The following KCNIP4 variants were observed in gnomAD, a reference collection of about 807,000 sequenced individuals.
KCNIP4 encodes Kv channel-interacting protein 4.
Under a neutral mutation model 34.0 loss-of-function variants are expected in KCNIP4, and 12 were observed. The ratio of observed to expected loss-of-function variants is 0.35; its 90% CI spans 0.23 to 0.57. The LOEUF (loss-of-function observed/expected upper bound fraction) is 0.57. KCNIP4 is among the 20% of genes least tolerant of loss of function. KCNIP4 has a pLI of 0.83. For missense variants in KCNIP4, 238 were observed against 311.7 expected, an observed-to-expected ratio of 0.76 and a Z score of 1.78; for synonymous variants, 124 against 102.2, an observed-to-expected ratio of 1.21 and a Z score of -1.29.
At position 21,072,008 on chromosome 4, in the gene KCNIP4, T is replaced by A. The variant is rs184319339; in HGVS notation, c.62-189299A>T. Among the ~76,000 whole-genome samples, 81 of 152,366 alleles carry A rather than the reference T, an allele frequency of 5.3e-4. 1 individual carries two copies. In the East Asian group the frequency reaches 0.014, roughly 27 times the overall value. The stretch of plus-strand genomic sequence containing the variant: ...TATGGCTACATAATATTCCATGATG[T>A]ATATGTGCCACATTTTCTTAATCCA... On this transcript the variant is annotated intron_variant, in intron 1 of 8. Coordinates refer to ENST00000382152, the MANE Select transcript of KCNIP4 (RefSeq NM_025221.6).
rs1475404151 is a variant in KCNIP4 at position 21,510,843 on chromosome 4, C to T, written c.61+437728G>A. Reference sequence around the variant, plus strand: ...ACCAGCCCGGCCAACATGATGAAACCCCATCTCTGCTAAAAATACAAAATA... The same window carrying T: ...ACCAGCCCGGCCAACATGATGAAACTCCATCTCTGCTAAAAATACAAAATA... On this transcript the variant is annotated intron_variant, in intron 1 of 8. Transcript: ENST00000382152. Among the ~76,000 whole-genome samples the T allele has an allele frequency of 4.0e-5, 6 of 150,656 alleles. No individual in the cohort carries two copies. The Admixed American group carries it at 4.0e-4, about 10-fold the overall frequency.
At chr4:20,775,872 A>C (rs1263313118) in intron 3 of KCNIP4, among the ~76,000 whole-genome samples, 1 of 152,206 alleles carries the variant, frequency 6.6e-6, no homozygotes, top group African/African-American at 2.4e-5. Flanking sequence ...ACTCCCAGCT[A>C]TTAGGTGTAT....
intron 1 of KCNIP4, among the ~76,000 whole-genome samples, chr4:21,855,899 C>A (rs1202329233): frequency 3.3e-5 from 5 of 152,182 alleles, no homozygotes; most frequent in African/African-American, 1.2e-4. Flanking sequence ...GTCAATGAAA[C>A]CTTTTAGCCC....
chr4:21,053,094 G>T (rs1361831508), intron 1 of KCNIP4, among the ~76,000 whole-genome samples: 1 of 151,820 alleles, frequency 6.6e-6, no homozygotes, highest in Admixed American at 6.6e-5. Flanking sequence ...ATCTGTAATT[G>T]TATCCACTTC....
intron 1 of KCNIP4, among the ~76,000 whole-genome samples, chr4:20,934,092 A>G (rs929391105): frequency 7.9e-5 from 12 of 152,200 alleles, no homozygotes; most frequent in Non-Finnish European, 1.8e-4. Flanking sequence ...AATAGCAAAA[A>G]TTATAGAAGG....
intron 5 of KCNIP4, among the ~76,000 whole-genome samples, chr4:20,748,872 GTGTGTGTGTA>G (rs957979068): frequency 1.7e-5 from 2 of 114,794 alleles, no homozygotes; most frequent in African/African-American, 3.3e-5. Flanking sequence ...TGAATTACGT[GTGTGTGTGTA>G]TGTGTGTGTG....
intron 1 of KCNIP4, among the ~76,000 whole-genome samples, chr4:21,633,726 T>G (rs1745922285): frequency 6.6e-6 from 1 of 152,116 alleles, no homozygotes; most frequent in African/African-American, 2.4e-5. Flanking sequence ...TTAATATGGG[T>G]TTTATCTTGA....
At chr4:20,990,505 A>G (rs1736995963) in intron 1 of KCNIP4, among the ~76,000 whole-genome samples, 1 of 152,234 alleles carries the variant, frequency 6.6e-6, no homozygotes, top group Non-Finnish European at 1.5e-5. Context: ...GGAAAAAACT[A>G]CCTTCCATCC....
At chr4:21,079,633 A>T (rs1219463576) in intron 1 of KCNIP4, among the ~76,000 whole-genome samples, 1 of 151,590 alleles carries the variant, frequency 6.6e-6, no homozygotes, top group Non-Finnish European at 1.5e-5. Flanking sequence ...AGACCCTGTG[A>T]ATATGTTATG....
intron 2 of KCNIP4, among the ~76,000 whole-genome samples, chr4:20,857,883 C>T (rs182992749): frequency 3.2e-4 from 48 of 152,144 alleles, no homozygotes; most frequent in African/African-American, 1.1e-3. Flanking sequence ...GAAGGTCTAA[C>T]CCTGTATTTG....
chr4:21,729,957 C>T (rs1459271), intron 1 of KCNIP4: 1 of 151,838 alleles, frequency 6.6e-6, no homozygotes, highest in Admixed American at 6.6e-5. Context: ...CCCTGAAGCA[C>T]AAATTGTTGG....
chr4:21,486,001 C>T (rs1231889116), intron 1 of KCNIP4, among the ~76,000 whole-genome samples: 1 of 152,134 alleles, frequency 6.6e-6, no homozygotes, highest in Non-Finnish European at 1.5e-5. Context: ...TTTTCTTTTG[C>T]AGCATAGGAA....
At chr4:21,798,942 GGCT>G (rs999902929) in intron 1 of KCNIP4, among the ~76,000 whole-genome samples, 1 of 151,586 alleles carries the variant, frequency 6.6e-6, no homozygotes, top group Non-Finnish European at 1.5e-5. Flanking sequence ...TCCAATCTTT[GGCT>G]ACATTATCAA....
intron 1 of KCNIP4, among the ~76,000 whole-genome samples, chr4:21,351,735 A>G (rs1285973657): frequency 6.6e-6 from 1 of 152,172 alleles, no homozygotes; most frequent in African/African-American, 2.4e-5. Context: ...ACATGCACAG[A>G]GGTAAGACCA....
At chr4:20,767,935 T>C (rs13129008) in intron 3 of KCNIP4, among the ~76,000 whole-genome samples, 76,122 of 152,062 alleles carry the variant, frequency 0.5, 19,423 homozygotes, top group East Asian at 0.72. Context: ...CTCACACCCA[T>C]CTCTGGTGCT....
chr4:21,263,484 A>G (rs1761600640), intron 1 of KCNIP4, among the ~76,000 whole-genome samples: 1 of 152,096 alleles, frequency 6.6e-6, no homozygotes, highest in Non-Finnish European at 1.5e-5. Flanking sequence ...AAGTTAAAAG[A>G]CTAAGCTTCT....
At chr4:21,317,488 T>G (rs1307847128) in intron 1 of KCNIP4, among the ~76,000 whole-genome samples, 1 of 152,192 alleles carries the variant, frequency 6.6e-6, no homozygotes, top group Non-Finnish European at 1.5e-5. Flanking sequence ...TTCAAGGGGT[T>G]GTTAACGATA....
chr4:21,829,066 T>A (rs1722831225), intron 1 of KCNIP4, among the ~76,000 whole-genome samples: 1 of 151,454 alleles, frequency 6.6e-6, no homozygotes, highest in Non-Finnish European at 1.5e-5. Context: ...AAAAAAAAAA[T>A]TAAATGCTGG....
chr4:21,266,861 G>C (rs1479131455), intron 1 of KCNIP4, among the ~76,000 whole-genome samples: 4 of 152,164 alleles, frequency 2.6e-5, no homozygotes, highest in African/African-American at 9.7e-5. Flanking sequence ...GCTATAGTGA[G>C]GAAGAAGGAC....
Sources: gnomAD v4.1 joint callset for allele counts (sites outside exome capture counted in the v4.1 genomes callset) on GRCh38, gnomAD v4.1.1 for gene constraint, MANE v1.5 for transcripts, NCBI Gene and HGNC (gene_info 2026-07-23, HGNC 2026-07-21) for gene names.